The following PARD6G variants were observed in gnomAD, a reference collection of about 807,000 sequenced individuals.
PARD6G encodes the protein par-6 family cell polarity regulator gamma.
In PARD6G, 7 loss-of-function variants were observed where a neutral mutation model predicts 10.7. That is an observed-to-expected ratio of 0.66 (90% CI 0.37 to 1.23). The LOEUF is 1.23. Ranked by LOEUF, PARD6G falls within the 50% of genes most tolerant of loss-of-function variation. The probability of loss-of-function intolerance (pLI) is 0.02; values close to 1 mark genes in which losing one functional copy is unlikely to be tolerated. For synonymous variants in PARD6G, 287 were observed against 269.4 expected (o/e 1.07, Z -0.64); for missense variants, 548 against 571.8 (o/e 0.96, Z 0.42).
chr18:80,218,948 CT>C (rs1967200128), intron 1 of PARD6G, among the ~76,000 whole-genome samples: 1 of 152,220 alleles, frequency 6.6e-6, no homozygotes, highest in African/African-American at 2.4e-5. Context: ...ATGTTGGCCC[CT>C]TTTAGCCGCG....
chr18:80,216,155 A>C (rs1967163445), intron 1 of PARD6G, among the ~76,000 whole-genome samples: 1 of 152,164 alleles, frequency 6.6e-6, no homozygotes, highest in African/African-American at 2.4e-5. Flanking sequence ...TTCAACAATA[A>C]ATGAACAGTT....
rs572346193 is a variant in PARD6G at position 80,246,385 on chromosome 18, G to A, written c.72+892C>T. ...AACCACCCCCGCAAAGGGCAGAAGC[G>A]CCAGATCCTACCAGCCAATTACCCA... On this transcript the variant is annotated intron_variant, in intron 1 of 2. Coordinates refer to ENST00000353265, the MANE Select transcript of PARD6G (RefSeq NM_032510.4). The surrounding 1 kb of genome is among the most constrained non-coding windows in gnomAD (Gnocchi z 6.7). Among the ~76,000 whole-genome samples, 97 of 152,290 alleles carry A rather than the reference G, an allele frequency of 6.4e-4. 1 individual carries two copies. The highest frequency in any genetic ancestry group is 2.2e-3 in the African/African-American group (90 of 41,582).
At position 80,159,845 on chromosome 18, in the gene PARD6G, G is replaced by T; in HGVS notation, c.1057C>A (p.Arg353=). 6.7e-7 allele frequency: 1 copy of T among 1,497,818 alleles called. No individual in the cohort carries two copies. Among genetic ancestry groups the T allele is most frequent in the Non-Finnish European group, 8.9e-7 (1 of 1,128,752 alleles). The allele number at this position is 1,497,818 out of a possible 1,614,324, so 92.8% of individuals were successfully genotyped here. A position where few individuals can be genotyped will look rare whatever the true frequency, so the allele number is the denominator to read the frequency against. The change falls in exon 3 of 3, where the codon CGG becomes AGG. Residue 353 remains arginine, a synonymous_variant. Transcript: ENST00000353265. The part of the protein sequence containing the change: ...GGLQRLLSSL[R]ADPRHSLALP... ...GCCAGGCTGTGACGGGGGTCGGCCC[G>T]CAGGGAGCTGAGCAGCCGCTGGAGG...
chr18:80,244,633 C>T (rs1336696719), intron 1 of PARD6G, among the ~76,000 whole-genome samples: 2 of 152,138 alleles, frequency 1.3e-5, no homozygotes, highest in African/African-American at 2.4e-5. Flanking sequence ...AGGTATCATG[C>T]CCATTTTACA....
intron 1 of PARD6G, among the ~76,000 whole-genome samples, chr18:80,239,975 G>A (rs762345893): frequency 5.3e-5 from 8 of 152,206 alleles, no homozygotes; most frequent in East Asian, 1.9e-4. Flanking sequence ...AAGGAGAGCC[G>A]GCATGTGCAG....
chr18:80,204,431 G>A (rs1427999044), intron 1 of PARD6G, among the ~76,000 whole-genome samples: 1 of 152,070 alleles, frequency 6.6e-6, no homozygotes. Context: ...ACCACACACA[G>A]AGAACCACTG....
In PARD6G at chr18:80,183,828, C is replaced by G. The variant is rs182154306; in HGVS notation, c.295+18882G>C. ...AGCTGTGGTATGAAGTTTAAATGCC[C>G]CAAGTCAGAAGTCAATTGGATGTCT... On this transcript the variant is annotated intron_variant, in intron 2 of 2. Coordinates refer to ENST00000353265, the MANE Select transcript of PARD6G (RefSeq NM_032510.4). This position sits in a 1 kb window ranked among gnomAD's most constrained non-coding sequence, Gnocchi z 4.5. The G allele has an allele frequency of 6.6e-6, 1 of 152,142 alleles. No individual in the cohort carries two copies. Among genetic ancestry groups the G allele is most frequent in the African/African-American group, 2.4e-5 (1 of 41,394 alleles). 9.4% of individuals were successfully genotyped at this position (152,142 alleles called of 1,614,324 possible).
At chr18:80,206,308 A>G (rs923226772) in intron 1 of PARD6G, among the ~76,000 whole-genome samples, 2 of 152,230 alleles carry the variant, frequency 1.3e-5, no homozygotes, top group African/African-American at 4.8e-5. Context: ...AAAGCATTGT[A>G]TTTAAAAATC....
chr18:80,185,723 CACACGCATATACACTCAG>C (rs1415230932), intron 2 of PARD6G, among the ~76,000 whole-genome samples: 1 of 150,388 alleles, frequency 6.6e-6, no homozygotes, highest in Non-Finnish European at 1.5e-5. Flanking sequence ...TGCACCCTCA[CACACGCATATACACTCAG>C]ACATGCTCGC....
rs1483236976 is a variant in PARD6G, at chr18:80,180,298, G to A, written c.296-19692C>T. Among the ~76,000 whole-genome samples, 1 of 152,226 alleles carries A rather than the reference G, an allele frequency of 6.6e-6. No individual in the cohort carries two copies. The highest frequency in any genetic ancestry group is 1.5e-5 in the Non-Finnish European group (1 of 68,036). On this transcript the variant is annotated intron_variant, in intron 2 of 2. Transcript: ENST00000353265. This position sits in a 1 kb window ranked among gnomAD's most constrained non-coding sequence, Gnocchi z 5.6. Reference sequence around the variant, plus strand: ...CCTCTGCTTGGGAAGTTCCTGTCAGGAGAGGCAGGCAGGGCGTGGGCAGCG... The same window carrying A: ...CCTCTGCTTGGGAAGTTCCTGTCAGAAGAGGCAGGCAGGGCGTGGGCAGCG...
At chr18:80,212,225 T>C (rs1368822637) in intron 1 of PARD6G, among the ~76,000 whole-genome samples, 1 of 152,154 alleles carries the variant, frequency 6.6e-6, no homozygotes, top group Non-Finnish European at 1.5e-5. Context: ...TGTATGTGAG[T>C]GTAACCTGTG....
rs180874953 is a variant in PARD6G, at chr18:80,229,249, T to C, written c.72+18028A>G. ...CACCACAATTGGCCAGAAGTGGTAT[T>C]TGAAAAGGATTTAAGGGCTCAAGGA... On this transcript the variant is annotated intron_variant, in intron 1 of 2. Transcript: ENST00000353265. Among the ~76,000 whole-genome samples, 4 of 152,296 alleles carry C rather than the reference T, an allele frequency of 2.6e-5. No individual in the cohort carries two copies. In the East Asian group the frequency reaches 5.8e-4, roughly 22 times the overall value.
At chr18:80,166,233 G>A (rs1262686772) in intron 2 of PARD6G, among the ~76,000 whole-genome samples, 3 of 151,338 alleles carry the variant, frequency 2.0e-5, no homozygotes, top group Non-Finnish European at 4.4e-5. Flanking sequence ...CATGGACACC[G>A]TATGGTCAGG....
At chr18:80,166,257 A>G (rs563850434) in intron 2 of PARD6G, among the ~76,000 whole-genome samples, 1 of 151,204 alleles carries the variant, frequency 6.6e-6, no homozygotes, top group Admixed American at 6.6e-5. Context: ...GCACCAACAC[A>G]GCACACCACC....
At chr18:80,206,852 A>C (rs902268602) in intron 1 of PARD6G, among the ~76,000 whole-genome samples, 13 of 151,722 alleles carry the variant, frequency 8.6e-5, no homozygotes, top group African/African-American at 1.2e-4. Context: ...AAGATTCTTC[A>C]GATGTTTATT....
Position 80,182,769 on chromosome 18 carries a change from C to T in PARD6G, c.295+19941G>A, listed in dbSNP as rs553529953. The T allele has an allele frequency of 3.1e-5, 7 of 224,924 alleles. No homozygotes were observed. Among genetic ancestry groups the T allele is most frequent in the East Asian group, 2.9e-4 (3 of 10,442 alleles). 13.9% of individuals were successfully genotyped at this position (224,924 alleles called of 1,614,324 possible). A position where few individuals can be genotyped will look rare whatever the true frequency, so the allele number is the denominator to read the frequency against. Reference sequence around the variant, plus strand: ...GATTCTCTCGTGTCAGGTGCATCCACGGGGCTTATCAAAGCTCTGTTTTAT... The same window carrying T: ...GATTCTCTCGTGTCAGGTGCATCCATGGGGCTTATCAAAGCTCTGTTTTAT... On this transcript the variant is annotated intron_variant, in intron 2 of 2. Coordinates refer to ENST00000353265, the MANE Select transcript of PARD6G (RefSeq NM_032510.4). This position sits in a 1 kb window ranked among gnomAD's most constrained non-coding sequence, Gnocchi z 4.5.
chr18:80,236,435 C>T lies in PARD6G; in HGVS notation c.72+10842G>A, dbSNP rs557173710. On this transcript the variant is annotated intron_variant, in intron 1 of 2. Transcript: ENST00000353265. ...AACCTGGAAGCATTCCCTTTGAAAACTGGCACAAGACAGGGATGCCCTCCC... is the reference window on the plus strand; with the variant it reads ...AACCTGGAAGCATTCCCTTTGAAAATTGGCACAAGACAGGGATGCCCTCCC... Among the ~76,000 whole-genome samples, 9 of 152,264 alleles carry T rather than the reference C, an allele frequency of 5.9e-5. No homozygotes were observed. The East Asian group carries it at 1.7e-3, about 29-fold the overall frequency.
chr18:80,190,895 A>G (rs1038065863), intron 2 of PARD6G, among the ~76,000 whole-genome samples: 4 of 152,164 alleles, frequency 2.6e-5, no homozygotes. Context: ...ACAGATCCAG[A>G]ACCTATTTGC....
chr18:80,235,190 C>G (rs1008091685), intron 1 of PARD6G, among the ~76,000 whole-genome samples: 2 of 152,068 alleles, frequency 1.3e-5, no homozygotes, highest in African/African-American at 4.8e-5. Flanking sequence ...AACTAGAACT[C>G]AGGATTAAGA....
Sources: allele counts gnomAD v4.1 joint callset (sites outside exome capture counted in the v4.1 genomes callset), GRCh38; gene constraint gnomAD v4.1.1; non-coding constraint Gnocchi (gnomAD v3.1); transcripts MANE v1.5; gene names NCBI Gene and HGNC (gene_info 2026-07-23, HGNC 2026-07-21).